TRRAP: variants seen among roughly 807,000 people sequenced by gnomAD.
TRRAP encodes transformation/transcription domain associated protein.
Under a neutral mutation model 438.8 loss-of-function variants are expected in TRRAP, and 41 were observed. That is an observed-to-expected ratio of 0.09 (90% CI 0.07 to 0.12). TRRAP has a LOEUF of 0.12. TRRAP is among the 10% of genes least tolerant of loss of function. TRRAP has a pLI of 1.00. For missense variants in TRRAP, 3,122 were observed against 5,055.1 expected (o/e 0.62, Z 11.60); for synonymous variants, 1,994 against 1,962.9 (o/e 1.02, Z -0.42).
At chr7:98,903,337 C>T in intron 11 of TRRAP, 42 bp from the exon 12 acceptor site, 1 of 1,610,134 alleles carries the variant, frequency 6.2e-7, no homozygotes, top group Non-Finnish European at 8.5e-7. Context: ...TCTTAACACT[C>T]TCCTATCCCT....
chr7:98,930,853 C>G, intron 25 of TRRAP, 23 bp downstream of exon 25: 2 of 1,613,488 alleles, frequency 1.2e-6, no homozygotes, highest in Non-Finnish European at 1.7e-6. Context: ...TGGCCCCAAA[C>G]CTAACCATGC....
At position 98,892,547 on chromosome 7, in the gene TRRAP, T is replaced by G; in HGVS notation, c.366+19T>G. ...TTTAGAGGTAAGTTTTGAGAATTAA[T>G]TCTTGTCGTATAGCCGTATGTAAAA... On this transcript the variant is annotated intron_variant, in intron 5 of 72. Transcript: ENST00000456197. The G allele has an allele frequency of 6.4e-7, 1 of 1,572,718 alleles. No homozygotes were observed. The highest frequency in any genetic ancestry group is 8.7e-7 in the Non-Finnish European group (1 of 1,150,300).
chr7:98,914,066 T>C (rs989568232), intron 18 of TRRAP, among the ~76,000 whole-genome samples: 28 of 152,224 alleles, frequency 1.8e-4, no homozygotes, highest in African/African-American at 6.5e-4. Flanking sequence ...TAATTACTTA[T>C]CAACAACCTT....
At chr7:98,953,700 C>A (rs1019966322) in intron 40 of TRRAP, among the ~76,000 whole-genome samples, 4 of 152,178 alleles carry the variant, frequency 2.6e-5, no homozygotes, top group African/African-American at 9.7e-5. Context: ...TGGGAAGATG[C>A]AAACATTCCG....
rs376342561 is a variant in TRRAP, at chr7:99,007,473, C to T, written c.10754-904C>T. Reference sequence around the variant, plus strand: ...AAGCAATTCTTCTGCCTCAGCCTCCCGAGTAGCTGGGACTACAGGTGCGCA... The same window carrying T: ...AAGCAATTCTTCTGCCTCAGCCTCCTGAGTAGCTGGGACTACAGGTGCGCA... On this transcript the variant is annotated intron_variant, in intron 69 of 72. Coordinates refer to ENST00000456197, the MANE Select transcript of TRRAP (RefSeq NM_001375524.1). 3.1e-4 allele frequency among the ~76,000 whole-genome samples: 47 copies of T among 152,076 alleles called. No homozygotes were observed. In the East Asian group the frequency reaches 6.4e-3, roughly 21 times the overall value.
At position 98,908,911 on chromosome 7, in the gene TRRAP, G is replaced by A; in HGVS notation, c.1299G>A (p.Lys433=). 1.2e-6 allele frequency: 2 copies of A among 1,613,988 alleles called. No individual in the cohort carries two copies. Among genetic ancestry groups the A allele is most frequent in the Non-Finnish European group, 1.7e-6 (2 of 1,179,968 alleles). Residue 433 remains lysine (K), a synonymous_variant, in exon 14 of 73, where the codon AAG becomes AAA. Coordinates refer to ENST00000456197, the MANE Select transcript of TRRAP (RefSeq NM_001375524.1). The surrounding 1 kb of genome is among the most constrained non-coding windows in gnomAD (Gnocchi z 4.1). ...LLNLVDCIRS[K]SEQESGNGRD... ...ACCTGGTGGACTGCATCCGTTCCAA[G>A]AGCGAGCAGGAGAGTGGCAATGGGA... is the stretch of plus-strand genomic sequence containing the variant.
At position 98,983,408 on chromosome 7, in the gene TRRAP, G is replaced by A. The variant is rs1336161275; in HGVS notation, c.8971G>A (p.Asp2991Asn). ...GAACCGACTGCCCATCGTGTCTGAC[G>A]ACTTGTCCCACTGGAGCAGCATCTT... ...WRNRLPIVSDDLSHWSSIFMW... is the reference protein window; with the variant it reads ...WRNRLPIVSDNLSHWSSIFMW... Residue 2991 changes from aspartate to asparagine, a missense_variant, in exon 60 of 73, where the codon GAC (aspartate) becomes AAC (asparagine). Physicochemically the swap from Asp to Asn is conservative, Grantham distance 23. Transcript: ENST00000456197. 8.7e-6 allele frequency: 14 copies of A among 1,614,012 alleles called. No individual in the cohort carries two copies. The East Asian group carries it at 1.6e-4, about 18-fold the overall frequency.
chr7:98,976,623 G>A lies in TRRAP; in HGVS notation c.8100G>A (p.Leu2700=). 1 of 1,614,182 alleles carries A rather than the reference G, an allele frequency of 6.2e-7. No homozygotes were observed. The part of the protein sequence containing the change: ...VPPIPIRPCV[L]KYLGKTHNLW... ...CAATCCCCATCCGACCCTGCGTCCT[G>A]AAGTACCTGGGGAAGACACACAACC... Residue 2700 remains leucine (L), a synonymous_variant, in exon 55 of 73, where the codon CTG becomes CTA. Transcript: ENST00000456197. This position sits in a 1 kb window ranked among gnomAD's most constrained non-coding sequence, Gnocchi z 4.6.
chr7:98,912,741 C>T lies in TRRAP; in HGVS notation c.2199+528C>T, dbSNP rs376659349. Among the ~76,000 whole-genome samples, 13 of 152,240 alleles carry T rather than the reference C, an allele frequency of 8.5e-5. No homozygotes were observed. In the East Asian group the frequency reaches 2.5e-3, roughly 29 times the overall value. On this transcript the variant is annotated intron_variant, in intron 18 of 72. Transcript: ENST00000456197. ...AGGAAAAAAATGTCTTCACCTACCTCTCAAATATGGTGTGACAGTGCCGAT... is the reference window on the plus strand; with the variant it reads ...AGGAAAAAAATGTCTTCACCTACCTTTCAAATATGGTGTGACAGTGCCGAT...
At chr7:98,986,876 T>C (rs1006788500) in intron 62 of TRRAP, among the ~76,000 whole-genome samples, 16 of 152,248 alleles carry the variant, frequency 1.1e-4, no homozygotes, top group Non-Finnish European at 1.9e-4. Flanking sequence ...ATTTTTTATG[T>C]GGTGTGAGGT....
At position 98,976,336 on chromosome 7, in the gene TRRAP, G is replaced by C; in HGVS notation, c.7959+68G>C. 6.3e-7 allele frequency: 1 copy of C among 1,596,928 alleles called. No individual in the cohort carries two copies. The highest frequency in any genetic ancestry group is 1.7e-5 in the Admixed American group (1 of 58,822). On this transcript the variant is annotated intron_variant, in intron 54 of 72. Coordinates refer to ENST00000456197, the MANE Select transcript of TRRAP (RefSeq NM_001375524.1). The surrounding 1 kb of genome is among the most constrained non-coding windows in gnomAD (Gnocchi z 4.6). ...TAGCTTTTGGTAAGTATTCATAAAAGAACACAGTCTCGAACAAGTTTCAGA... is the reference window on the plus strand; with the variant it reads ...TAGCTTTTGGTAAGTATTCATAAAACAACACAGTCTCGAACAAGTTTCAGA...
chr7:98,946,598 A>C lies in TRRAP; in HGVS notation c.4548+648A>C, dbSNP rs887796556. 4.1e-5 allele frequency among the ~76,000 whole-genome samples: 6 copies of C among 147,126 alleles called. No individual in the cohort carries two copies. The South Asian group carries it at 8.9e-4, about 22-fold the overall frequency. On this transcript the variant is annotated intron_variant, in intron 33 of 72. Transcript: ENST00000456197. ...CGCGCACACACCACATATGCACACA[A>C]CACATATGCACACACACCACACATG...
chr7:98,887,145 C>T (rs1173548127), intron 3 of TRRAP, among the ~76,000 whole-genome samples: 1 of 152,106 alleles, frequency 6.6e-6, no homozygotes, highest in African/African-American at 2.4e-5. Context: ...GTCTTGAACT[C>T]CTGGGCCCAA....
intron 26 of TRRAP, among the ~76,000 whole-genome samples, chr7:98,932,349 A>G (rs982319222): frequency 7.2e-5 from 11 of 152,080 alleles, no homozygotes; most frequent in African/African-American, 1.7e-4. Context: ...TTCTGACCTC[A>G]TGATCCGCCT....
Position 98,910,223 on chromosome 7 carries a change from A to ACCCCCCCCCCCCCCCCCCCCCCC in TRRAP, c.1520_1521insCCCCCCCCCCCCCCCCCCCCCCC (p.Pro515LeufsTer13). 7.8e-6 allele frequency: 2 copies of ACCCCCCCCCCCCCCCCCCCCCCC among 257,398 alleles called. No individual in the cohort carries two copies. Among genetic ancestry groups the ACCCCCCCCCCCCCCCCCCCCCCC allele is most frequent in the African/African-American group, 8.1e-5 (1 of 12,408 alleles). 15.9% of individuals were successfully genotyped at this position (257,398 alleles called of 1,614,324 possible). ...CCTCCCCAGCCCCTGTCCCTGCCCC[A>ACCCCCCCCCCCCCCCCCCCCCCC]CCTCCACCCCCGCCCCCACCCCCAC... On this transcript the variant is annotated frameshift_variant, in exon 15 of 73. Transcript: ENST00000456197. LOFTEE classifies it high-confidence loss of function.
intron 67 of TRRAP, among the ~76,000 whole-genome samples, chr7:98,997,005 C>CA (rs1003365281): frequency 6.6e-6 from 1 of 151,640 alleles, no homozygotes; most frequent in Admixed American, 6.6e-5. Flanking sequence ...TGACAAAGTA[C>CA]AAAAAAAGAG....
chr7:98,967,786 CTG>C (rs1354903848), intron 51 of TRRAP, 88 bp downstream of exon 51: 1 of 1,174,666 alleles, frequency 8.5e-7, no homozygotes, highest in East Asian at 2.4e-5. Flanking sequence ...TTCACACACA[CTG>C]AGATGAATTG....
At chr7:98,998,931 G>A in intron 67 of TRRAP, 1 of 537,702 alleles carries the variant, frequency 1.9e-6, no homozygotes. Context: ...GTCTGCACAA[G>A]GTACAGAAGG....
rs73711449 is a variant in TRRAP, at chr7:98,905,585, C to A, written c.1037-592C>A. ...CTGGTTAGGTTCAGGCCTGCAAGGA[C>A]GCAGAGAGTAAGTTTAGGGGTGGTT... On this transcript the variant is annotated intron_variant, in intron 12 of 72. Coordinates refer to ENST00000456197, the MANE Select transcript of TRRAP (RefSeq NM_001375524.1). Among the ~76,000 whole-genome samples, 403 of 152,206 alleles carry A rather than the reference C, an allele frequency of 2.6e-3. 3 individuals carry two copies. The highest frequency in any genetic ancestry group is 9.5e-3 in the African/African-American group (394 of 41,522).
Sources: allele counts gnomAD v4.1 joint callset (sites outside exome capture counted in the v4.1 genomes callset), GRCh38; gene constraint gnomAD v4.1.1; non-coding constraint Gnocchi (gnomAD v3.1); transcripts MANE v1.5; gene names NCBI Gene and HGNC (gene_info 2026-07-23, HGNC 2026-07-21).